Variants in ZNF713 observed in about 807,000 individuals in gnomAD.
ZNF713 encodes zinc finger protein 713.
Under a neutral mutation model 28.7 loss-of-function variants are expected in ZNF713, and 21 were observed. The observed-to-expected ratio is 0.73, with a 90% CI of 0.52 to 1.05. ZNF713 has a LOEUF of 1.05. Among genes scored for constraint, ZNF713 ranks in the 50% least tolerant of loss-of-function variants. The pLI is 0.00. For synonymous variants in ZNF713, 167 were observed against 178.0 expected, an observed-to-expected ratio of 0.94 and a Z score of 0.49; for missense variants, 458 against 532.4, an observed-to-expected ratio of 0.86 and a Z score of 1.37.
intron 2 of ZNF713, among the ~76,000 whole-genome samples, chr7:55,909,809 G>A (rs867843229): frequency 6.6e-6 from 1 of 152,090 alleles, no homozygotes; most frequent in Non-Finnish European, 1.5e-5. Context: ...AAATGGGATT[G>A]CCTTTTGTAA....
intron 1 of ZNF713, among the ~76,000 whole-genome samples, chr7:55,894,347 C>T (rs956822077): frequency 6.6e-6 from 1 of 152,102 alleles, no homozygotes; most frequent in Non-Finnish European, 1.5e-5. Flanking sequence ...TACCTTCTGT[C>T]TAAAGACCTC....
Position 55,887,600 on chromosome 7 carries a change from CGCGGCGGCGGCGGCGGCGGCGGCGGCG to C in ZNF713, c.-650_-624del, listed in dbSNP as rs369789359. 1.7e-5 allele frequency: 3 copies of C among 178,596 alleles called. No individual in the cohort carries two copies. The highest frequency in any genetic ancestry group is 4.9e-5 in the African/African-American group (2 of 40,418). The allele number at this position is 178,596 out of a possible 1,614,324, so 11.1% of individuals were successfully genotyped here. On this transcript the variant is annotated 5_prime_UTR_variant, in exon 1 of 7. Coordinates refer to ENST00000429591, the MANE Select transcript of ZNF713 (RefSeq NM_182633.3). ...GGCACCTTCTCCCTCCCGGGTCCAC[CGCGGCGGCGGCGGCGGCGGCGGCGGCG>C]GCGGCGGCGGCGTCAGGGGGCGGAG...
chr7:55,939,468 A>G lies in ZNF713; in HGVS notation c.794A>G (p.Lys265Arg). The G allele has an allele frequency of 1.9e-6, 3 of 1,614,170 alleles. No homozygotes were observed. Among genetic ancestry groups the G allele is most frequent in the Non-Finnish European group, 1.7e-6 (2 of 1,180,032 alleles). Residue 265 changes from lysine to arginine, a missense_variant, in exon 7 of 7, where the codon AAG becomes AGG. Transcript: ENST00000429591. ...HTAEKPSECG[K>R]AFSHTSSLSQ... ...GCAGAGAAACCCAGTGAGTGTGGGA[A>G]GGCCTTCAGCCACACCTCATCTCTT...
Position 55,906,292 on chromosome 7 carries a change from C to G in ZNF713, c.-543C>G, listed in dbSNP as rs1785677360. The G allele has an allele frequency of 6.6e-6, 1 of 152,164 alleles. No homozygotes were observed. The highest frequency in any genetic ancestry group is 1.5e-5 in the Non-Finnish European group (1 of 68,038). 9.4% of individuals were successfully genotyped at this position (152,164 alleles called of 1,614,324 possible). On this transcript the variant is annotated 5_prime_UTR_variant, in exon 2 of 7. Transcript: ENST00000429591. ...CCTAAGGAGGCAGGATTGAGTGACTCTCACTCACCACTGGTGTTGCTCTTT... is the reference window on the plus strand; with the variant it reads ...CCTAAGGAGGCAGGATTGAGTGACTGTCACTCACCACTGGTGTTGCTCTTT...
chr7:55,922,558 GT>G (rs957872833), intron 4 of ZNF713, among the ~76,000 whole-genome samples: 1 of 149,242 alleles, frequency 6.7e-6, no homozygotes, highest in African/African-American at 2.5e-5. Context: ...AAAAAAAGAA[GT>G]TGCCACAGCC....
At chr7:55,923,042 G>C (rs1048597469) in intron 4 of ZNF713, 120 bp from the exon 5 acceptor site, 1 of 1,108,662 alleles carries the variant, frequency 9.0e-7, no homozygotes, top group Non-Finnish European at 1.2e-6. Context: ...GAACAACTCA[G>C]AGTCCTGAAG....
At chr7:55,938,865 C>A in intron 6 of ZNF713, 117 bp from the exon 7 acceptor site, 3 of 1,067,564 alleles carry the variant, frequency 2.8e-6, no homozygotes, top group Non-Finnish European at 4.0e-6. Flanking sequence ...GCCGTGTATG[C>A]CTTGTACACA....
At position 55,912,640 on chromosome 7, in the gene ZNF713, C is replaced by T. The variant is rs192654523; in HGVS notation, c.4C>T (p.Pro2Ser). The T allele has an allele frequency of 6.2e-7, 1 of 1,609,234 alleles. No individual in the cohort carries two copies. The highest frequency in any genetic ancestry group is 1.1e-5 in the South Asian group (1 of 90,134). ...GATGCTTCTCTTTTTCCTAGTTATG[C>T]CTTCTCAGAATGCTGTTTTTTCTCA... Reference protein sequence around the residue: MPSQNAVFSQEG... With the variant: MSSQNAVFSQEG... Residue 2 changes from proline (P) to serine (S), a missense_variant, in exon 4 of 7, where the codon CCT becomes TCT. Transcript: ENST00000429591.
At chr7:55,905,373 A>G (rs1785660286) in intron 1 of ZNF713, among the ~76,000 whole-genome samples, 2 of 152,042 alleles carry the variant, frequency 1.3e-5, no homozygotes, top group African/African-American at 4.8e-5. Context: ...ACTACATTAG[A>G]CTCATTACTA....
chr7:55,931,715 G>A (rs1562748153), intron 6 of ZNF713, among the ~76,000 whole-genome samples: 1 of 152,052 alleles, frequency 6.6e-6, no homozygotes, highest in East Asian at 1.9e-4. Context: ...CAAAAGCCAT[G>A]GATGGGCCTG....
intron 2 of ZNF713, among the ~76,000 whole-genome samples, chr7:55,907,855 A>G (rs529434236): frequency 3.5e-4 from 53 of 152,218 alleles, no homozygotes; most frequent in Admixed American, 3.1e-3. Context: ...TTATCGAATC[A>G]TCGGTTGATG....
chr7:55,936,618 CAG>C (rs1356034456), intron 6 of ZNF713, among the ~76,000 whole-genome samples: 2 of 152,146 alleles, frequency 1.3e-5, no homozygotes, highest in Non-Finnish European at 2.9e-5. Context: ...CTGACCCACT[CAG>C]AAAGTCCAAG....
chr7:55,899,356 C>CAAAAAAAAAAAAAAA (rs71015114), intron 1 of ZNF713, among the ~76,000 whole-genome samples: 1 of 68,934 alleles, frequency 1.5e-5, no homozygotes. Context: ...GATTCCATCT[C>CAAAAAAAAAAAAAAA]AAAAAAAAAA....
Position 55,923,702 on chromosome 7 carries a change from A to C in ZNF713, c.307+3A>C, listed in dbSNP as rs1485244977. The C allele has an allele frequency of 9.9e-6, 16 of 1,609,498 alleles. No homozygotes were observed. Among genetic ancestry groups the C allele is most frequent in the Non-Finnish European group, 1.4e-5 (16 of 1,177,280 alleles). ...CAGCCTGCTGGATACTCATCCAGGT[A>C]AGTGCACACTCTTGGGCACTGCTAC... On this transcript the variant is annotated splice_donor_region_variant and intron_variant, in intron 6 of 6. Coordinates refer to ENST00000429591, the MANE Select transcript of ZNF713 (RefSeq NM_182633.3).
rs1234556363 is a variant in ZNF713 at position 55,887,803 on chromosome 7, G to A, written c.-583+123G>A. The A allele has an allele frequency of 6.6e-4, 5 of 7,576 alleles. 2 individuals are homozygous for A. The highest frequency in any genetic ancestry group is 1.2e-3 in the Non-Finnish European group (4 of 3,446). 0.5% of individuals were successfully genotyped at this position (7,576 alleles called of 1,614,324 possible). A position where few individuals can be genotyped will look rare whatever the true frequency, so the allele number is the denominator to read the frequency against. On this transcript the variant is annotated intron_variant, in intron 1 of 6. Coordinates refer to ENST00000429591, the MANE Select transcript of ZNF713 (RefSeq NM_182633.3). ...GGGCGGAGGCGGGGGGCGGAGGCGG[G>A]GGGCGGCGGGCGGCGGGCGGCGGGC...
At chr7:55,919,849 C>T (rs1785959702) in intron 4 of ZNF713, among the ~76,000 whole-genome samples, 3 of 151,850 alleles carry the variant, frequency 2.0e-5, no homozygotes, top group Non-Finnish European at 4.4e-5. Context: ...TTCTCTCCTA[C>T]TCTCTACCTC....
At chr7:55,919,490 G>A (rs1270868937) in intron 4 of ZNF713, among the ~76,000 whole-genome samples, 2 of 66,760 alleles carry the variant, frequency 3.0e-5, no homozygotes, top group Admixed American at 3.6e-4. Flanking sequence ...AAACACTCCA[G>A]TTTTTTTTTT....
intron 6 of ZNF713, chr7:55,924,413 C>T (rs1391075275): frequency 1.3e-5 from 2 of 152,312 alleles, no homozygotes; most frequent in Admixed American, 6.5e-5. Context: ...TCTGTATCTC[C>T]CTCTGTCCCT....
intron 1 of ZNF713, among the ~76,000 whole-genome samples, chr7:55,892,740 C>T (rs921922158): frequency 2.6e-4 from 38 of 148,806 alleles, no homozygotes; most frequent in Non-Finnish European, 4.9e-4. Context: ...GGCGTGGTGG[C>T]GGAAGCCTAT....
Sources: allele counts gnomAD v4.1 joint callset (sites outside exome capture counted in the v4.1 genomes callset), GRCh38; gene constraint gnomAD v4.1.1; transcripts MANE v1.5; gene names NCBI Gene and HGNC (gene_info 2026-07-23, HGNC 2026-07-21).